Variants in MFHAS1 observed in about 807,000 individuals in gnomAD.
The protein encoded by MFHAS1 is malignant fibrous histiocytoma-amplified sequence 1.
A neutral mutation model predicts 70.4 loss-of-function variants in MFHAS1; 50 were observed. The ratio of observed to expected loss-of-function variants is 0.71; its 90% CI spans 0.57 to 0.90. The LOEUF is 0.90. Ranked by LOEUF, MFHAS1 falls within the 40% of genes least tolerant of loss-of-function variation. MFHAS1 has a pLI of 0.00. For missense variants in MFHAS1, 1,795 were observed against 1,347.6 expected (o/e 1.33, Z -5.20); for synonymous variants, 952 against 620.0 (o/e 1.54, Z -7.96).
At chr8:8,860,627 G>A (rs1210434324) in intron 1 of MFHAS1, among the ~76,000 whole-genome samples, 2 of 152,182 alleles carry the variant, frequency 1.3e-5, no homozygotes, top group Non-Finnish European at 2.9e-5. Context: ...AGGATGAAGT[G>A]ACAGCCGCTT....
chr8:8,834,634 G>A (rs769773027), intron 1 of MFHAS1, among the ~76,000 whole-genome samples: 2 of 152,210 alleles, frequency 1.3e-5, no homozygotes, highest in Admixed American at 6.5e-5. Context: ...ATAATAGGTT[G>A]TAACATGTAA....
At chr8:8,826,286 G>A (rs903984772) in intron 1 of MFHAS1, among the ~76,000 whole-genome samples, 3 of 140,756 alleles carry the variant, frequency 2.1e-5, no homozygotes, top group Non-Finnish European at 3.1e-5. Flanking sequence ...GTCGCACACT[G>A]CTGCCTACCC....
At chr8:8,858,038 T>C (rs75611970) in intron 1 of MFHAS1, among the ~76,000 whole-genome samples, 3,570 of 152,258 alleles carry the variant, frequency 0.023, 88 homozygotes, top group Admixed American at 0.055. Context: ...CAATGACTGG[T>C]GTTCACTGAT....
At chr8:8,786,787 T>TC (rs1251310662) in intron 2 of MFHAS1, among the ~76,000 whole-genome samples, 3 of 150,924 alleles carry the variant, frequency 2.0e-5, no homozygotes, top group African/African-American at 4.9e-5. Context: ...TTTCCTCCAA[T>TC]CCCCCATCTC....
intron 1 of MFHAS1, among the ~76,000 whole-genome samples, chr8:8,858,621 T>C (rs1301308212): frequency 1.3e-5 from 2 of 151,942 alleles, no homozygotes; most frequent in Non-Finnish European, 2.9e-5. Flanking sequence ...AAAACAAAAA[T>C]AGACAGTCCT....
chr8:8,859,048 C>G (rs558993699), intron 1 of MFHAS1, among the ~76,000 whole-genome samples: 1 of 152,178 alleles, frequency 6.6e-6, no homozygotes, highest in African/African-American at 2.4e-5. Flanking sequence ...TTGAAAAATG[C>G]TTGGTTAAAC....
At chr8:8,855,403 C>T (rs1271275455) in intron 1 of MFHAS1, among the ~76,000 whole-genome samples, 1 of 152,252 alleles carries the variant, frequency 6.6e-6, no homozygotes, top group South Asian at 2.1e-4. Context: ...ATTGGAGGCG[C>T]TTTCCAAGCG....
intron 1 of MFHAS1, among the ~76,000 whole-genome samples, chr8:8,834,440 C>T (rs1409714424): frequency 2.0e-5 from 3 of 152,188 alleles, no homozygotes; most frequent in Non-Finnish European, 2.9e-5. Flanking sequence ...ATTCACGAGA[C>T]GTGCCCTATA....
intron 1 of MFHAS1, among the ~76,000 whole-genome samples, chr8:8,883,606 G>A (rs898915173): frequency 1.3e-5 from 2 of 150,700 alleles, no homozygotes; most frequent in African/African-American, 4.9e-5. Flanking sequence ...TACTCGGGAG[G>A]CTGAGGCAGG....
chr8:8,839,418 A>G (rs933871935), intron 1 of MFHAS1, among the ~76,000 whole-genome samples: 1 of 152,198 alleles, frequency 6.6e-6, no homozygotes, highest in Non-Finnish European at 1.5e-5. Context: ...AAAGAGCCAG[A>G]CTATCCTTTT....
rs1342253786 is a variant in MFHAS1 at position 8,892,544 on chromosome 8, T to G, written c.515A>C (p.His172Pro). The G allele has an allele frequency of 3.8e-6, 6 of 1,594,276 alleles. No homozygotes were observed. Among genetic ancestry groups the G allele is most frequent in the Non-Finnish European group, 5.1e-6 (6 of 1,171,194 alleles). ...GAGGCAGGAGAGGGAGTCAGGCAGG[T>G]GCGCCAGCCGGTTAAAGCTGACATC... is the stretch of plus-strand genomic sequence containing the variant. ...ELDVSFNRLA[H>P]LPDSLSCLSR... The change falls in exon 1 of 3, where the codon CAC becomes CCC. Residue 172 changes from histidine (H) to proline (P), a missense_variant. Physicochemically the swap from His to Pro is moderately conservative, Grantham distance 77 (BLOSUM62 -2). Transcript: ENST00000276282. The surrounding 1 kb of genome is among the most constrained non-coding windows in gnomAD (Gnocchi z 4.7).
In MFHAS1 at chr8:8,857,007, AAG is replaced by A. The variant is rs1317428425; in HGVS notation, c.2998+33052_2998+33053del. On this transcript the variant is annotated intron_variant, in intron 1 of 2. Transcript: ENST00000276282. The stretch of plus-strand genomic sequence containing the variant: ...AAAAAAAAAAAAAAAAAAAAAAAAA[AAG>A]AGGAGAGATACCGAAAGAGCCAGGC... Among the ~76,000 whole-genome samples the A allele has an allele frequency of 2.1e-3, 289 of 137,330 alleles. 5 individuals are homozygous for A. The highest frequency in any genetic ancestry group is 7.1e-3 in the African/African-American group (253 of 35,672). The allele number at this position is 137,330 out of a possible 152,430, so 90.1% of individuals were successfully genotyped here. A position where few individuals can be genotyped will look rare whatever the true frequency, so the allele number is the denominator to read the frequency against.
At chr8:8,809,856 C>T (rs938085130) in intron 1 of MFHAS1, among the ~76,000 whole-genome samples, 2 of 152,204 alleles carry the variant, frequency 1.3e-5, no homozygotes, top group African/African-American at 2.4e-5. Flanking sequence ...CTGTCACCTA[C>T]TTCTTACTGG....
chr8:8,880,102 C>T (rs984284132), intron 1 of MFHAS1, among the ~76,000 whole-genome samples: 8 of 152,144 alleles, frequency 5.3e-5, no homozygotes, highest in Non-Finnish European at 7.3e-5. Flanking sequence ...GCTTGGATGC[C>T]CTCCTTTCTG....
Position 8,892,240 on chromosome 8 carries a change from CT to C in MFHAS1, c.818del (p.Gln273ArgfsTer69). 6.2e-7 allele frequency: 1 copy of C among 1,611,666 alleles called. No homozygotes were observed. On this transcript the variant is annotated frameshift_variant, in exon 1 of 3. Transcript: ENST00000276282. LOFTEE classifies it high-confidence loss of function. The surrounding 1 kb of genome is among the most constrained non-coding windows in gnomAD (Gnocchi z 4.7). ...QALPAQFSCL[Q>X]RLKMLNLSSN... is the part of the protein sequence containing the mutation. ...AGGAGAGGTTGAGCATTTTGAGCCG[CT>C]GCAGGCAGCTGAACTGGGCGGGCAG... is the stretch of plus-strand genomic sequence containing the variant.
chr8:8,810,642 A>G (rs991183655), intron 1 of MFHAS1, among the ~76,000 whole-genome samples: 1 of 152,236 alleles, frequency 6.6e-6, no homozygotes, highest in Non-Finnish European at 1.5e-5. Context: ...GTAAGAGCAC[A>G]GTATATAATA....
intron 1 of MFHAS1, among the ~76,000 whole-genome samples, chr8:8,850,523 C>A (rs1808203391): frequency 6.6e-6 from 1 of 152,144 alleles, no homozygotes; most frequent in South Asian, 2.1e-4. Context: ...TCCAAAGCCA[C>A]AGAGTTTATT....
intron 1 of MFHAS1, among the ~76,000 whole-genome samples, chr8:8,806,891 G>C (rs1806310424): frequency 6.6e-6 from 1 of 152,032 alleles, no homozygotes; most frequent in South Asian, 2.1e-4. Context: ...AACCCGGGAG[G>C]CAGAGGTTGC....
At chr8:8,796,764 G>C (rs1277173070) in intron 2 of MFHAS1, among the ~76,000 whole-genome samples, 1 of 148,354 alleles carries the variant, frequency 6.7e-6, no homozygotes, top group African/African-American at 2.5e-5. Flanking sequence ...GGGAGGCCAA[G>C]ACGGGCGGAT....
Sources: allele counts gnomAD v4.1 joint callset (sites outside exome capture counted in the v4.1 genomes callset), GRCh38; gene constraint gnomAD v4.1.1; non-coding constraint Gnocchi (gnomAD v3.1); transcripts MANE v1.5; gene names NCBI Gene and HGNC (gene_info 2026-07-23, HGNC 2026-07-21).